SLCO3A1: variants seen among roughly 807,000 people sequenced by gnomAD.
SLCO3A1 encodes the protein PGE1 transporter.
In SLCO3A1, 27 loss-of-function variants were observed where a neutral mutation model predicts 63.1. The observed-to-expected ratio is 0.43, with a 90% CI of 0.32 to 0.59. SLCO3A1 has a LOEUF of 0.59. SLCO3A1 is among the 20% of genes least tolerant of loss of function. The pLI, the probability that SLCO3A1 is intolerant of heterozygous loss-of-function variation, is 0.09. For missense variants in SLCO3A1, 773 were observed against 945.8 expected, an observed-to-expected ratio of 0.82 and a Z score of 2.40; for synonymous variants, 473 against 409.9, an observed-to-expected ratio of 1.15 and a Z score of -1.86.
chr15:91,988,172 G>A (rs766272947), intron 2 of SLCO3A1, among the ~76,000 whole-genome samples: 1 of 152,160 alleles, frequency 6.6e-6, no homozygotes, highest in Non-Finnish European at 1.5e-5. Context: ...GCAGGCCAAG[G>A]CGGCTGGATC....
chr15:92,041,226 C>T (rs138478947), intron 2 of SLCO3A1, among the ~76,000 whole-genome samples: 13 of 152,256 alleles, frequency 8.5e-5, no homozygotes, highest in African/African-American at 3.1e-4. Context: ...TTTGTTCCTC[C>T]TAACCCTTTT....
Position 91,853,939 on chromosome 15 carries a change from G to A in SLCO3A1, c.31G>A (p.Gly11Ser), listed in dbSNP as rs901949731. MQGKKPGGSS[G>S]GGRSGELQGD... ...GGGGAAGAAGCCGGGCGGTTCGTCG[G>A]GCGGCGGCCGGAGCGGCGAGCTGCA... is the stretch of plus-strand genomic sequence containing the variant. The change falls in exon 1 of 10, where the codon GGC becomes AGC. Residue 11 changes from glycine to serine, a missense_variant. Gly to Ser is a moderately conservative substitution (Grantham distance 56). Coordinates refer to ENST00000318445, the MANE Select transcript of SLCO3A1 (RefSeq NM_013272.4). The A allele has an allele frequency of 6.8e-7, 1 of 1,464,960 alleles. No homozygotes were observed. The highest frequency in any genetic ancestry group is 1.3e-5 in the South Asian group (1 of 75,708). The allele number at this position is 1,464,960 out of a possible 1,614,324, so 90.7% of individuals were successfully genotyped here.
intron 9 of SLCO3A1, among the ~76,000 whole-genome samples, chr15:92,158,077 ACAAG>A (rs967683059): frequency 6.6e-6 from 1 of 152,314 alleles, no homozygotes; most frequent in Non-Finnish European, 1.5e-5. Context: ...CTTCCTGCTG[ACAAG>A]CATAGTATCT....
chr15:91,984,299 C>T (rs1201230284), intron 2 of SLCO3A1, among the ~76,000 whole-genome samples: 3 of 152,106 alleles, frequency 2.0e-5, no homozygotes, highest in South Asian at 2.1e-4. Flanking sequence ...TTTAACCTCC[C>T]ACTTCAGCTA....
At chr15:91,961,994 G>T (rs964544664) in intron 2 of SLCO3A1, among the ~76,000 whole-genome samples, 2 of 152,222 alleles carry the variant, frequency 1.3e-5, no homozygotes, top group Non-Finnish European at 2.9e-5. Context: ...AGACTGGGGA[G>T]AATTATTCAA....
At chr15:92,002,316 G>C (rs1187995640) in intron 2 of SLCO3A1, among the ~76,000 whole-genome samples, 1 of 152,176 alleles carries the variant, frequency 6.6e-6, no homozygotes, top group Admixed American at 6.5e-5. Flanking sequence ...TGGCCTGAGA[G>C]AGCAAGAAGA....
chr15:92,079,276 C>T lies in SLCO3A1; in HGVS notation c.647-15605C>T, dbSNP rs139510537. 3.9e-3 allele frequency among the ~76,000 whole-genome samples: 601 copies of T among 152,308 alleles called. 6 individuals carry two copies. The highest frequency in any genetic ancestry group is 0.014 in the African/African-American group (576 of 41,554). On this transcript the variant is annotated intron_variant, in intron 2 of 9. Transcript: ENST00000318445. ...TCCAAGTACCCTCTCAAGTGTTGGC[C>T]CACATGATCCCCACTCTGGTCTTGG...
intron 2 of SLCO3A1, among the ~76,000 whole-genome samples, chr15:91,995,134 G>A (rs966893712): frequency 3.3e-5 from 5 of 152,154 alleles, no homozygotes; most frequent in Non-Finnish European, 2.9e-5. Flanking sequence ...GAAGTGGAGC[G>A]GCTCTGCTGG....
chr15:91,898,470 G>C (rs1335780222), intron 1 of SLCO3A1, among the ~76,000 whole-genome samples: 1 of 152,180 alleles, frequency 6.6e-6, no homozygotes, highest in African/African-American at 2.4e-5. Flanking sequence ...GTCAGGCCTG[G>C]CTCCATTATT....
intron 2 of SLCO3A1, among the ~76,000 whole-genome samples, chr15:91,995,735 A>G (rs867815312): frequency 0.019 from 2,770 of 148,792 alleles, 71 homozygotes; most frequent in African/African-American, 0.065. Flanking sequence ...ATTTTCTTGA[A>G]AAAAAAAAAA....
At position 92,164,400 on chromosome 15, in the gene SLCO3A1, A is replaced by G; in HGVS notation, c.*1265A>G. 1.0e-6 allele frequency: 1 copy of G among 985,442 alleles called. No homozygotes were observed. Among genetic ancestry groups the G allele is most frequent in the Non-Finnish European group, 1.2e-6 (1 of 829,934 alleles). 61.0% of individuals were successfully genotyped at this position (985,442 alleles called of 1,614,324 possible). On this transcript the variant is annotated 3_prime_UTR_variant, in exon 10 of 10. Coordinates refer to ENST00000318445, the MANE Select transcript of SLCO3A1 (RefSeq NM_013272.4). ...GAGACAACAGGGGATAATGTGATGAATTGCAAATTTGCCTTTTAGCTTCCT... is the reference window on the plus strand; with the variant it reads ...GAGACAACAGGGGATAATGTGATGAGTTGCAAATTTGCCTTTTAGCTTCCT...
Position 92,128,449 on chromosome 15 carries a change from T to C in SLCO3A1, c.1472T>C (p.Ile491Thr). The C allele has an allele frequency of 1.2e-6, 2 of 1,614,084 alleles. No homozygotes were observed. The highest frequency in any genetic ancestry group is 2.2e-5 in the South Asian group (2 of 91,058). Residue 491 changes from isoleucine to threonine, a missense_variant, in exon 7 of 10, where the codon ATC (isoleucine) becomes ACC (threonine). Physicochemically the swap from Ile to Thr is moderately conservative, Grantham distance 89. Around this residue, in one of 3 missense-constraint regions of SLCO3A1, gnomAD observed 565 missense variants for 749.8 expected, o/e 0.75. Coordinates refer to ENST00000318445, the MANE Select transcript of SLCO3A1 (RefSeq NM_013272.4). ...ACTCCAGTGTGTGGGGCAGATGGCATCACCTACCTGTCTGCCTGCTTTGCT... is the reference window on the plus strand; with the variant it reads ...ACTCCAGTGTGTGGGGCAGATGGCACCACCTACCTGTCTGCCTGCTTTGCT... ...SFTPVCGADG[I>T]TYLSACFAGC...
At chr15:91,984,920 CT>C (rs1471102289) in intron 2 of SLCO3A1, among the ~76,000 whole-genome samples, 1 of 151,944 alleles carries the variant, frequency 6.6e-6, no homozygotes, top group South Asian at 2.1e-4. Flanking sequence ...TCAACTCACA[CT>C]TTTTTTTGCA....
In SLCO3A1 at chr15:91,926,558, C is replaced by CGA. The variant is rs1555450154; in HGVS notation, c.646+10101_646+10102insAG. 2.4e-5 allele frequency among the ~76,000 whole-genome samples: 3 copies of CGA among 126,082 alleles called. No individual in the cohort carries two copies. In the East Asian group the frequency reaches 7.7e-4, roughly 32 times the overall value. The allele number at this position is 126,082 out of a possible 152,430, so 82.7% of individuals were successfully genotyped here. ...CTTTGCCATTTCATTCCTGCCAAGC[C>CGA]GTGTGTGTGTGTGTGTGTGTGTGTG... On this transcript the variant is annotated intron_variant, in intron 2 of 9. Transcript: ENST00000318445.
intron 1 of SLCO3A1, among the ~76,000 whole-genome samples, chr15:91,870,026 A>G (rs1897251060): frequency 6.6e-6 from 1 of 152,108 alleles, no homozygotes; most frequent in African/African-American, 2.4e-5. Flanking sequence ...CCTGCTTGCA[A>G]TTCTGTGAAT....
chr15:92,117,358 T>G (rs1022506726), intron 4 of SLCO3A1, among the ~76,000 whole-genome samples: 2 of 152,218 alleles, frequency 1.3e-5, no homozygotes, highest in East Asian at 3.9e-4. Flanking sequence ...GTGGCTGTGA[T>G]GCTTTATTCT....
intron 2 of SLCO3A1, among the ~76,000 whole-genome samples, chr15:91,989,099 G>A (rs1001548093): frequency 5.3e-5 from 8 of 152,276 alleles, no homozygotes; most frequent in Admixed American, 1.3e-4. Context: ...AGAAACTACA[G>A]GGACCATCAC....
intron 5 of SLCO3A1, among the ~76,000 whole-genome samples, chr15:92,121,990 A>T (rs1207799287): frequency 2.0e-5 from 3 of 152,170 alleles, no homozygotes; most frequent in African/African-American, 7.2e-5. Flanking sequence ...AGGAGTAGAC[A>T]GTGAGCACGG....
intron 4 of SLCO3A1, among the ~76,000 whole-genome samples, chr15:92,111,436 G>A (rs1369362306): frequency 6.6e-6 from 1 of 152,120 alleles, no homozygotes; most frequent in African/African-American, 2.4e-5. Flanking sequence ...CTTCCTGTGT[G>A]TGGATTTCCT....
Sources: gnomAD v4.1 joint callset for allele counts (sites outside exome capture counted in the v4.1 genomes callset) on GRCh38, gnomAD v4.1.1 for gene constraint, gnomAD v4.1.1 regional missense constraint, MANE v1.5 for transcripts, NCBI Gene and HGNC (gene_info 2026-07-23, HGNC 2026-07-21) for gene names.